Variants in SMG1 observed in about 807,000 individuals in gnomAD.
SMG1 encodes SMG1 nonsense mediated mRNA decay associated PI3K related kinase.
Under a neutral mutation model 419.9 loss-of-function variants are expected in SMG1, and 22 were observed. The ratio of observed to expected loss-of-function variants is 0.05; its 90% confidence interval spans 0.04 to 0.07. SMG1 has a LOEUF of 0.07. Ranked by LOEUF, SMG1 falls within the 10% of genes least tolerant of loss-of-function variation. The pLI is 1.00. For synonymous variants in SMG1, 1,538 were observed against 1,553.5 expected (o/e 0.99, Z 0.23); for missense variants, 3,185 against 4,342.0 (o/e 0.73, Z 7.49).
chr16:18,920,940 C>T (rs1266024633), intron 1 of SMG1, among the ~76,000 whole-genome samples: 1 of 152,058 alleles, frequency 6.6e-6, no homozygotes, highest in Non-Finnish European at 1.5e-5. Context: ...CAGTTCAAGA[C>T]CAGCCTGGCC....
rs1466523099 is a variant in SMG1, at chr16:18,830,319, A to G, written c.8843T>C (p.Val2948Ala). ...GELIQPRNGS[V>A]DETPKMSAGQ... ...AGCTGACATTTTGGGTGTTTCATCA[A>G]CTGAACCATTTCTCGGTTGGATTAA... The change falls in exon 52 of 63, where the codon GTT (valine) becomes GCT (alanine). Residue 2948 changes from valine (V) to alanine (A), a missense_variant. Val to Ala is a moderately conservative substitution (Grantham distance 64). This residue lies in a region of SMG1 where 737 missense variants were observed against 846.6 expected (regional missense o/e 0.87). Transcript: ENST00000446231. 5.0e-6 allele frequency: 8 copies of G among 1,613,956 alleles called. No homozygotes were observed. Among genetic ancestry groups the G allele is most frequent in the Non-Finnish European group, 6.8e-6 (8 of 1,179,876 alleles).
At chr16:18,820,550 G>T (rs1004253222) in intron 55 of SMG1, among the ~76,000 whole-genome samples, 10 of 152,150 alleles carry the variant, frequency 6.6e-5, no homozygotes, top group Non-Finnish European at 1.5e-4. Context: ...TCATGACGAG[G>T]AAAGTTTAAT....
chr16:18,891,878 C>T (rs1284271359), intron 4 of SMG1, among the ~76,000 whole-genome samples: 1 of 152,236 alleles, frequency 6.6e-6, no homozygotes, highest in African/African-American at 2.4e-5. Context: ...TCACATCTCA[C>T]TGCAACCCTG....
At chr16:18,852,035 C>A in intron 33 of SMG1, 32 bp downstream of exon 33, 1 of 1,563,540 alleles carries the variant, frequency 6.4e-7, no homozygotes, top group Non-Finnish European at 8.6e-7. Flanking sequence ...TTTGGAGTAG[C>A]AATCTTGCCC....
chr16:18,859,115 T>C lies in SMG1; in HGVS notation c.4020A>G (p.Leu1340=), dbSNP rs1486336863. 2 of 1,529,882 alleles carry C rather than the reference T, an allele frequency of 1.3e-6. No individual in the cohort carries two copies. Among genetic ancestry groups the C allele is most frequent in the African/African-American group, 2.7e-5 (2 of 73,048 alleles). 94.8% of individuals were successfully genotyped at this position (1,529,882 alleles called of 1,614,324 possible). A position where few individuals can be genotyped will look rare whatever the true frequency, so the allele number is the denominator to read the frequency against. The stretch of plus-strand genomic sequence containing the variant: ...GAACTGGCAAAGACTGTGAAACTGT[T>C]AAAGTAGAAAGTCTCAGAGGTCCAA... The part of the protein sequence containing the change: ...IAIGPLRLST[L]TVSQSLPVLS... Residue 1340 remains leucine (L), a synonymous_variant, in exon 28 of 63, where the codon TTA becomes TTG. Coordinates refer to ENST00000446231, the MANE Select transcript of SMG1 (RefSeq NM_015092.5).
rs745988053 is a variant in SMG1, at chr16:18,828,184, G to C, written c.9604-16C>G. On this transcript the variant is annotated splice_polypyrimidine_tract_variant and intron_variant, in intron 54 of 62. Coordinates refer to ENST00000446231, the MANE Select transcript of SMG1 (RefSeq NM_015092.5). ...CATGTTGCCACTGTTGAGAGAAAAA[G>C]AAATGTATTAAAATCAGCAGGAAAA... 6 of 1,609,874 alleles carry C rather than the reference G, an allele frequency of 3.7e-6. No homozygotes were observed. In the African/African-American group the frequency reaches 8.0e-5, roughly 21 times the overall value.
At chr16:18,871,513 A>AT in intron 15 of SMG1, 31 bp from the exon 16 acceptor site, 1 of 1,282,946 alleles carries the variant, frequency 7.8e-7, no homozygotes, top group Non-Finnish European at 1.1e-6. Flanking sequence ...TTGACTGTAC[A>AT]TTAAAAAAAA....
chr16:18,848,015 GC>G lies in SMG1; in HGVS notation c.5641del (p.Ala1881GlnfsTer39), dbSNP rs1286589593. ...AATATTGCCAAGTAAAGTTGGAATTGCAGTGGAAAATTTATTTCCTGTAATG... is the reference window on the plus strand; with the variant it reads ...AATATTGCCAAGTAAAGTTGGAATTGAGTGGAAAATTTATTTCCTGTAATG... ...SQASGNKFST[A>X]IPTLLGNIQG... On this transcript the variant is annotated frameshift_variant, in exon 37 of 63. Coordinates refer to ENST00000446231, the MANE Select transcript of SMG1 (RefSeq NM_015092.5). LOFTEE classifies it high-confidence loss of function. 1 of 1,613,540 alleles carries G rather than the reference GC, an allele frequency of 6.2e-7. No homozygotes were observed. Among genetic ancestry groups the G allele is most frequent in the Non-Finnish European group, 8.5e-7 (1 of 1,179,702 alleles).
At chr16:18,877,100 T>C (rs1380228838) in intron 12 of SMG1, 31 bp downstream of exon 12, 1 of 1,488,698 alleles carries the variant, frequency 6.7e-7, no homozygotes, top group Non-Finnish European at 9.1e-7. Context: ...TGACTCAAGT[T>C]GTCAAAATTC....
chr16:18,906,070 G>A (rs1214135973), intron 1 of SMG1, among the ~76,000 whole-genome samples: 1 of 152,048 alleles, frequency 6.6e-6, no homozygotes, highest in East Asian at 1.9e-4. Context: ...ATACTCCCAG[G>A]TCCTCCAGTG....
chr16:18,835,870 G>T, intron 48 of SMG1, 63 bp downstream of exon 48: 1 of 1,476,560 alleles, frequency 6.8e-7, no homozygotes, highest in Non-Finnish European at 9.1e-7. Flanking sequence ...CCACACTCCA[G>T]CCTGGGTGAC....
At chr16:18,843,573 C>T (rs1289653321) in intron 39 of SMG1, among the ~76,000 whole-genome samples, 1 of 152,122 alleles carries the variant, frequency 6.6e-6, no homozygotes, top group African/African-American at 2.4e-5. Flanking sequence ...TGCCCAATGA[C>T]AAAAGAATAA....
At chr16:18,842,847 T>G (rs1173058513) in intron 39 of SMG1, among the ~76,000 whole-genome samples, 2 of 152,100 alleles carry the variant, frequency 1.3e-5, no homozygotes, top group African/African-American at 4.8e-5. Flanking sequence ...ACAACAAAAC[T>G]AAATTTTAAA....
intron 1 of SMG1, among the ~76,000 whole-genome samples, chr16:18,919,679 C>T (rs1397186680): frequency 2.3e-4 from 35 of 149,906 alleles, no homozygotes; most frequent in Middle Eastern, 3.2e-3. Flanking sequence ...CACACACACA[C>T]ACACACACAC....
In SMG1 at chr16:18,838,346, A is replaced by T; in HGVS notation, c.7194+11T>A. The T allele has an allele frequency of 6.2e-7, 1 of 1,605,486 alleles. No individual in the cohort carries two copies. The highest frequency in any genetic ancestry group is 8.5e-7 in the Non-Finnish European group (1 of 1,175,010). ...CAAATACACTAAAAGGGAGAAGAGA[A>T]AACAGCATACCTGCTCACATGAAAG... is the stretch of plus-strand genomic sequence containing the variant. On this transcript the variant is annotated intron_variant, in intron 44 of 62. Coordinates refer to ENST00000446231, the MANE Select transcript of SMG1 (RefSeq NM_015092.5).
In SMG1 at chr16:18,882,341, A is replaced by T; in HGVS notation, c.1120-3T>A. 6.3e-7 allele frequency: 1 copy of T among 1,578,736 alleles called. No homozygotes were observed. The highest frequency in any genetic ancestry group is 8.6e-7 in the Non-Finnish European group (1 of 1,161,876). On this transcript the variant is annotated splice_region_variant and splice_polypyrimidine_tract_variant and intron_variant, in intron 9 of 62. Coordinates refer to ENST00000446231, the MANE Select transcript of SMG1 (RefSeq NM_015092.5). ...CCAGAGGCCACATGGCTGAGGTCCT[A>T]GATGTGAATTCACAGCATTCTTAAT...
rs182687124 is a variant in SMG1, at chr16:18,864,836, G to C, written c.3351-692C>G. 3.3e-5 allele frequency among the ~76,000 whole-genome samples: 5 copies of C among 152,236 alleles called. No homozygotes were observed. The East Asian group carries it at 7.7e-4, about 23-fold the overall frequency. ...TTTCCCCCCTCCCACAAAAAATGGT[G>C]CAAGAATAAACTGAGCTAAAACAGT... On this transcript the variant is annotated intron_variant, in intron 23 of 62. Transcript: ENST00000446231.
Position 18,885,034 on chromosome 16 carries a change from G to A in SMG1, c.1021+56C>T, listed in dbSNP as rs571005307. 464 of 646,184 alleles carry A rather than the reference G, an allele frequency of 7.2e-4. 6 individuals carry two copies. In the African/African-American group the frequency reaches 7.3e-3, roughly 10 times the overall value. The allele number at this position is 646,184 out of a possible 1,614,324, so 40.0% of individuals were successfully genotyped here. A position where few individuals can be genotyped will look rare whatever the true frequency, so the allele number is the denominator to read the frequency against. ...TGGTATTGATAGATGGTCACTGGGGGACCACTGCTCCTCCCCGACAGTATT... is the reference window on the plus strand; with the variant it reads ...TGGTATTGATAGATGGTCACTGGGGAACCACTGCTCCTCCCCGACAGTATT... On this transcript the variant is annotated intron_variant, in intron 8 of 62. Coordinates refer to ENST00000446231, the MANE Select transcript of SMG1 (RefSeq NM_015092.5).
At chr16:18,887,672 TAAAAAAAA>T (rs368196825) in intron 6 of SMG1, among the ~76,000 whole-genome samples, 1 of 65,688 alleles carries the variant, frequency 1.5e-5, no homozygotes, top group South Asian at 5.4e-4. Flanking sequence ...ACTTTTTATT[TAAAAAAAA>T]AAAAAAAAAA....
Sources: gnomAD v4.1 joint callset for allele counts (sites outside exome capture counted in the v4.1 genomes callset) on GRCh38, gnomAD v4.1.1 for gene constraint, gnomAD v4.1.1 regional missense constraint, MANE v1.5 for transcripts, NCBI Gene and HGNC (gene_info 2026-07-23, HGNC 2026-07-21) for gene names.